The following SLCO1B1 variants were observed in gnomAD, a reference collection of about 807,000 sequenced individuals.
SLCO1B1 encodes the protein solute carrier organic anion transporter family member 1B1, also known as OATP-2.
SLCO1B1 carries 81 observed loss-of-function variants against 70.1 expected under a neutral mutation model. The observed-to-expected ratio is 1.16, with a 90% CI of 0.97 to 1.39. The LOEUF (loss-of-function observed/expected upper bound fraction) is 1.39, where lower values mean the gene tolerates loss of function less well. SLCO1B1 is among the 40% of genes most tolerant of loss of function. The pLI is 0.00. For synonymous variants in SLCO1B1, 283 were observed against 271.5 expected, an observed-to-expected ratio of 1.04 and a Z score of -0.42; for missense variants, 895 against 799.6, an observed-to-expected ratio of 1.12 and a Z score of -1.44.
Position 21,201,606 on chromosome 12 carries a change from GA to G in SLCO1B1, c.1136-884del, listed in dbSNP as rs575728915. On this transcript the variant is annotated intron_variant, in intron 9 of 14. Transcript: ENST00000256958. ...TTTTTATGTTGTTAAGCTCTGGGCAGATTTAGTGTGAGTTACTGAGGGTTAG... is the reference window on the plus strand; with the variant it reads ...TTTTTATGTTGTTAAGCTCTGGGCAGTTTAGTGTGAGTTACTGAGGGTTAG... Among the ~76,000 whole-genome samples the G allele has an allele frequency of 2.0e-3, 308 of 152,224 alleles. 3 individuals are homozygous for G. Among genetic ancestry groups the G allele is most frequent in the African/African-American group, 7.1e-3 (296 of 41,554 alleles).
intron 14 of SLCO1B1, among the ~76,000 whole-genome samples, chr12:21,233,865 C>T (rs1430792323): frequency 1.3e-5 from 2 of 152,206 alleles, no homozygotes; most frequent in Non-Finnish European, 2.9e-5. Flanking sequence ...GATCCATCAC[C>T]AGAGCAGGGC....
intron 2 of SLCO1B1, among the ~76,000 whole-genome samples, chr12:21,171,005 A>G (rs1940749909): frequency 6.6e-6 from 1 of 152,238 alleles, no homozygotes; most frequent in Non-Finnish European, 1.5e-5. Flanking sequence ...GGACGGAGCA[A>G]TGAACAAAAC....
chr12:21,145,463 C>A (rs907412493), intron 2 of SLCO1B1, among the ~76,000 whole-genome samples: 4 of 87,286 alleles, frequency 4.6e-5, no homozygotes, highest in Admixed American at 1.6e-4. Context: ...CTTCACCCAG[C>A]ATTTTTTTCA....
intron 2 of SLCO1B1, among the ~76,000 whole-genome samples, chr12:21,155,492 C>T (rs1940531003): frequency 6.6e-6 from 1 of 152,032 alleles, no homozygotes; most frequent in East Asian, 1.9e-4. Context: ...AAAACAATTA[C>T]TCCTTATGGT....
intron 14 of SLCO1B1, among the ~76,000 whole-genome samples, chr12:21,227,525 C>G (rs901508085): frequency 1.3e-5 from 2 of 152,010 alleles, no homozygotes; most frequent in African/African-American, 4.8e-5. Context: ...CAGAATTGTA[C>G]CCCACAGACA....
chr12:21,185,647 T>G (rs971472363), intron 7 of SLCO1B1, among the ~76,000 whole-genome samples: 1 of 151,856 alleles, frequency 6.6e-6, no homozygotes. Flanking sequence ...GCAGAGAGAT[T>G]TCAAATTAAC....
chr12:21,158,974 C>A (rs1200778756), intron 2 of SLCO1B1, among the ~76,000 whole-genome samples: 4 of 152,184 alleles, frequency 2.6e-5, no homozygotes, highest in African/African-American at 9.6e-5. Context: ...CAACAATGTA[C>A]ATATAATCCA....
At position 21,205,989 on chromosome 12, in the gene SLCO1B1, T is replaced by G; in HGVS notation, c.1453T>G (p.Cys485Gly). 6.2e-7 allele frequency: 1 copy of G among 1,612,294 alleles called. No homozygotes were observed. Among genetic ancestry groups the G allele is most frequent in the Middle Eastern group, 1.7e-4 (1 of 6,048 alleles). The change falls in exon 11 of 15, where the codon TGT (cysteine) becomes GGT (glycine). Residue 485 changes from cysteine (C) to glycine (G), a missense_variant. Cys to Gly is a radical substitution (Grantham distance 159). Transcript: ENST00000256958. The stretch of plus-strand genomic sequence containing the variant: ...CAATGGAATAACTTACATCTCACCC[T>G]GTCTAGCAGGTTGCAAATCTTCAAG... ...GNNGITYISPCLAGCKSSSGN... is the reference protein window; with the variant it reads ...GNNGITYISPGLAGCKSSSGN...
intron 1 of SLCO1B1, among the ~76,000 whole-genome samples, chr12:21,140,606 C>T (rs1481689816): frequency 6.6e-6 from 1 of 151,800 alleles, no homozygotes; most frequent in Non-Finnish European, 1.5e-5. Context: ...AACCTAAAAG[C>T]TGATGAATAT....
chr12:21,210,878 T>C (rs1218823168), intron 11 of SLCO1B1, among the ~76,000 whole-genome samples: 1 of 151,996 alleles, frequency 6.6e-6, no homozygotes, highest in Non-Finnish European at 1.5e-5. Flanking sequence ...TGTTGGTGTA[T>C]AGGAATGCTT....
At chr12:21,151,583 C>T (rs928692951) in intron 2 of SLCO1B1, among the ~76,000 whole-genome samples, 10 of 152,024 alleles carry the variant, frequency 6.6e-5, no homozygotes, top group Non-Finnish European at 1.2e-4. Context: ...ATTTTATGCT[C>T]ACTTATTTCT....
intron 7 of SLCO1B1, among the ~76,000 whole-genome samples, chr12:21,193,120 GTCTA>G (rs1244010068): frequency 4.6e-5 from 7 of 152,194 alleles, no homozygotes; most frequent in Admixed American, 3.3e-4. Context: ...GTAACATGTG[GTCTA>G]TCTTAGAAAA....
chr12:21,179,340 T>C (rs185754181), intron 7 of SLCO1B1, among the ~76,000 whole-genome samples: 3 of 152,286 alleles, frequency 2.0e-5, no homozygotes, highest in Non-Finnish European at 2.9e-5. Flanking sequence ...TTTCAGTTGA[T>C]GGTGGCTTGG....
In SLCO1B1 at chr12:21,155,991, A is replaced by C. The variant is rs574241862; in HGVS notation, c.84+14333A>C. Among the ~76,000 whole-genome samples, 15 of 152,322 alleles carry C rather than the reference A, an allele frequency of 9.8e-5. No individual in the cohort carries two copies. The South Asian group carries it at 3.1e-3, about 32-fold the overall frequency. ...CCCTGCATTGAGGTAGAAAGCACTG[A>C]TTCCTAGAGGCTGATCTGAATCATG... On this transcript the variant is annotated intron_variant, in intron 2 of 14. Coordinates refer to ENST00000256958, the MANE Select transcript of SLCO1B1 (RefSeq NM_006446.5).
At chr12:21,180,493 C>T (rs1444852994) in intron 7 of SLCO1B1, among the ~76,000 whole-genome samples, 4 of 152,100 alleles carry the variant, frequency 2.6e-5, no homozygotes, top group Non-Finnish European at 4.4e-5. Context: ...GACAGAATGG[C>T]ATGTTCTTAG....
chr12:21,133,271 C>T (rs1377973535), intron 1 of SLCO1B1, among the ~76,000 whole-genome samples: 2 of 152,036 alleles, frequency 1.3e-5, no homozygotes, highest in African/African-American at 2.4e-5. Context: ...TAGGGTGATG[C>T]CTCCAGCTTT....
intron 14 of SLCO1B1, among the ~76,000 whole-genome samples, chr12:21,232,158 G>A (rs1248840708): frequency 1.3e-5 from 2 of 152,162 alleles, no homozygotes; most frequent in Non-Finnish European, 2.9e-5. Context: ...AAATCAGAAA[G>A]CATTCATTCC....
chr12:21,225,427 A>T (rs1395264682), intron 14 of SLCO1B1, among the ~76,000 whole-genome samples: 1 of 151,476 alleles, frequency 6.6e-6, no homozygotes, highest in Non-Finnish European at 1.5e-5. Context: ...TTACCTCTTT[A>T]AAAAAAAACT....
rs368423244 is a variant in SLCO1B1 at position 21,217,129 on chromosome 12, A to G, written c.1508A>G (p.Asn503Ser). 6.8e-6 allele frequency: 11 copies of G among 1,612,962 alleles called. No homozygotes were observed. Among genetic ancestry groups the G allele is most frequent in the African/African-American group, 4.0e-5 (3 of 74,914 alleles). The change falls in exon 12 of 15, where the codon AAC becomes AGC. Residue 503 changes from asparagine to serine, a missense_variant. Coordinates refer to ENST00000256958, the MANE Select transcript of SLCO1B1 (RefSeq NM_006446.5). Reference protein sequence around the residue: ...SGNKKPIVFYNCSCLEVTGLQ... With the variant: ...SGNKKPIVFYSCSCLEVTGLQ... The stretch of plus-strand genomic sequence containing the variant: ...TACACAACGCTTAAGGTGTTTTACA[A>G]CTGCAGTTGTTTGGAAGTAACTGGT...
Sources: gnomAD v4.1 joint callset for allele counts (sites outside exome capture counted in the v4.1 genomes callset) on GRCh38, gnomAD v4.1.1 for gene constraint, MANE v1.5 for transcripts, NCBI Gene and HGNC (gene_info 2026-07-23, HGNC 2026-07-21) for gene names.